MAPK12: variants seen among roughly 807,000 people sequenced by gnomAD.
The protein encoded by MAPK12 is mitogen-activated protein kinase 12.
A neutral mutation model predicts 49.1 loss-of-function variants in MAPK12; 49 were observed. The ratio of observed to expected loss-of-function variants is 1.00; its 90% confidence interval spans 0.79 to 1.27. MAPK12 has a LOEUF of 1.27. Ranked by LOEUF, MAPK12 falls within the 50% of genes most tolerant of loss-of-function variation. The pLI, the probability that MAPK12 is intolerant of heterozygous loss-of-function variation, is 0.00. For missense variants in MAPK12, 554 were observed against 502.4 expected (o/e 1.10, Z -0.98); for synonymous variants, 251 against 209.7 (o/e 1.20, Z -1.70).
chr22:50,257,462 G>C, intron 3 of MAPK12: 1 of 555,654 alleles, frequency 1.8e-6, no homozygotes, highest in South Asian at 2.1e-5. Context: ...GGCTGCCTTG[G>C]GGTTTTTGAA....
intron 3 of MAPK12, 48 bp from the exon 4 acceptor site, chr22:50,257,241 A>G (rs760989016): frequency 6.7e-7 from 1 of 1,491,968 alleles, no homozygotes; most frequent in South Asian, 1.1e-5. Flanking sequence ...CAGCCTCTGC[A>G]TCCCAGAGAC....
chr22:50,257,763 C>T, intron 3 of MAPK12: 1 of 689,942 alleles, frequency 1.4e-6, no homozygotes, highest in Admixed American at 2.1e-5. Context: ...GCTACCCTCT[C>T]CAGGCCTTCC....
chr22:50,258,265 T>TCTCATCAGGAGTGAATA lies in MAPK12; in HGVS notation c.275_291dup (p.Thr98TyrfsTer17). The TCTCATCAGGAGTGAATA allele has an allele frequency of 6.2e-7, 1 of 1,612,972 alleles. No individual in the cohort carries two copies. Among genetic ancestry groups the TCTCATCAGGAGTGAATA allele is most frequent in the Middle Eastern group, 1.6e-4 (1 of 6,062 alleles). ...CACAAGTCCGTGAAGTCATCCAGGGTCTCATCAGGAGTGAATACGTCCAGC... is the reference window on the plus strand; with the variant it reads ...CACAAGTCCGTGAAGTCATCCAGGGTCTCATCAGGAGTGAATACTCATCAGGAGTGAATACGTCCAGC... On this transcript the variant is annotated frameshift_variant, in exon 3 of 12. Transcript: ENST00000215659. LOFTEE classifies it high-confidence loss of function.
rs907482433 is a variant in MAPK12 at position 50,258,914 on chromosome 22, G to C, written c.256-613C>G. On this transcript the variant is annotated intron_variant, in intron 2 of 11. Coordinates refer to ENST00000215659, the MANE Select transcript of MAPK12 (RefSeq NM_002969.6). ...GGACACCTGGCAGAGGGCACACACA[G>C]AGTGGCCGAGGCAGGAGGGAGCACA... Among the ~76,000 whole-genome samples the C allele has an allele frequency of 1.6e-4, 24 of 152,246 alleles. 1 individual carries two copies. The highest frequency in any genetic ancestry group is 1.6e-3 in the Admixed American group (24 of 15,288).
At chr22:50,256,307 G>A in intron 6 of MAPK12, 108 bp from the exon 7 acceptor site, 1 of 854,080 alleles carries the variant, frequency 1.2e-6, no homozygotes, top group Non-Finnish European at 1.8e-6. Context: ...CCCAAGCTGG[G>A]GCCTCCTGAC....
At chr22:50,260,236 TTGCTGGTGGACGGGGCA>T (rs2065197051) in intron 2 of MAPK12, among the ~76,000 whole-genome samples, 1 of 17,140 alleles carries the variant, frequency 5.8e-5, no homozygotes, top group Admixed American at 5.8e-4. Flanking sequence ...ACGGGGCACT[TTGCTGGTGGACGGGGCA>T]CTTTGCTGGT....
Position 50,256,090 on chromosome 22 carries a change from T to C in MAPK12, c.614A>G (p.Gln205Arg), listed in dbSNP as rs766690172. 8 of 1,611,762 alleles carry C rather than the reference T, an allele frequency of 5.0e-6. No individual in the cohort carries two copies. The South Asian group carries it at 6.6e-5, about 13-fold the overall frequency. ...EVILNWMRYT[Q>R]TVDIWSVGCI... Reference sequence around the variant, plus strand: ...ATCTCTGGGCAGCTTCTCACCCGTCTGCGTGTAGCGCATCCAATTCAAGAT... The same window carrying C: ...ATCTCTGGGCAGCTTCTCACCCGTCCGCGTGTAGCGCATCCAATTCAAGAT... Residue 205 changes from glutamine (Q) to arginine (R), a missense_variant, in exon 7 of 12, where the codon CAG (glutamine) becomes CGG (arginine). Coordinates refer to ENST00000215659, the MANE Select transcript of MAPK12 (RefSeq NM_002969.6).
Position 50,261,532 on chromosome 22 carries a change from C to T in MAPK12, c.-23G>A. ...CATGGCAGGCCCGGGAGCTGCCCAC[C>T]CCGCAGAGCCTGCGGGCGGTGCCCC... On this transcript the variant is annotated 5_prime_UTR_variant, in exon 1 of 12. Transcript: ENST00000215659. 2.7e-6 allele frequency: 3 copies of T among 1,108,042 alleles called. No individual in the cohort carries two copies. Among genetic ancestry groups the T allele is most frequent in the Non-Finnish European group, 3.3e-6 (3 of 899,878 alleles). The allele number at this position is 1,108,042 out of a possible 1,614,324, so 68.6% of individuals were successfully genotyped here.
At chr22:50,255,723 G>C in intron 8 of MAPK12, 29 bp from the exon 9 acceptor site, 1 of 1,609,672 alleles carries the variant, frequency 6.2e-7, no homozygotes, top group Non-Finnish European at 8.5e-7. Context: ...CACAGCTCGG[G>C]GGCCAGAGAT....
rs775145151 is a variant in MAPK12 at position 50,261,416 on chromosome 22, G to A, written c.94C>T (p.Pro32Ser). Residue 32 changes from proline to serine, a missense_variant, in exon 1 of 12, where the codon CCC becomes TCC. By Grantham distance (74) the Pro-to-Ser change is moderately conservative. Transcript: ENST00000215659. ...EVRAVYRDLQ[P>S]VGSGAYGAVC... is the part of the protein sequence containing the mutation. The stretch of plus-strand genomic sequence containing the variant: ...GCGCCGTAGGCGCCCGAGCCCACGG[G>A]CTGCAGGTCCCGGTACACGGCGCGC... 3 of 1,243,204 alleles carry A rather than the reference G, an allele frequency of 2.4e-6. No homozygotes were observed. Among genetic ancestry groups the A allele is most frequent in the East Asian group, 5.5e-5 (1 of 18,024 alleles). 77.0% of individuals were successfully genotyped at this position (1,243,204 alleles called of 1,614,324 possible).
Position 50,257,153 on chromosome 22 carries a change from G to A in MAPK12, c.355C>T (p.Leu119Phe), listed in dbSNP as rs2065159239. 6.2e-7 allele frequency: 1 copy of A among 1,612,862 alleles called. No individual in the cohort carries two copies. The highest frequency in any genetic ancestry group is 1.1e-5 in the South Asian group (1 of 91,088). ...MPFMGTDLGK[L>F]MKHEKLGEDR... ...TCGCCTAGCTTCTCATGTTTCATGA[G>A]CTTGCCCAGGTCGGTGCCCATGAAC... Residue 119 changes from leucine (L) to phenylalanine (F), a missense_variant, in exon 4 of 12, where the codon CTC (leucine) becomes TTC (phenylalanine). Leu to Phe is a conservative substitution (Grantham distance 22). Coordinates refer to ENST00000215659, the MANE Select transcript of MAPK12 (RefSeq NM_002969.6).
rs754815553 is a variant in MAPK12 at position 50,255,482 on chromosome 22, G to A, written c.821C>T (p.Ala274Val). 6 of 1,613,178 alleles carry A rather than the reference G, an allele frequency of 3.7e-6. No homozygotes were observed. The South Asian group carries it at 4.4e-5, about 12-fold the overall frequency. Residue 274 changes from alanine to valine, a missense_variant, in exon 10 of 12, where the codon GCC becomes GTC. Ala to Val is a moderately conservative substitution (Grantham distance 64). Transcript: ENST00000215659. ...GLPELEKKDF[A>V]SILTNASPLA... The stretch of plus-strand genomic sequence containing the variant: ...AGGGCTTGCATTGGTCAGGATAGAG[G>A]CAAAATCCTTCTTCTCCAATTCGGG...
chr22:50,259,567 C>A (rs2065187794), intron 2 of MAPK12, among the ~76,000 whole-genome samples: 1 of 152,164 alleles, frequency 6.6e-6, no homozygotes, highest in South Asian at 2.1e-4. Context: ...GATCCCAGCA[C>A]AGCGGGGCGG....
At chr22:50,256,239 C>A in intron 6 of MAPK12, 40 bp from the exon 7 acceptor site, 2 of 1,515,050 alleles carry the variant, frequency 1.3e-6, no homozygotes, top group South Asian at 1.1e-5. Flanking sequence ...AGGGGACTCC[C>A]AAGGAGCGGA....
rs1271866387 is a variant in MAPK12 at position 50,256,974 on chromosome 22, G to A, written c.427-10C>T. ...CGGCAGCGTGGATATACTGCGGGGGGCAGAGGATTTGGCAGGCTTCAGCGC... is the reference window on the plus strand; with the variant it reads ...CGGCAGCGTGGATATACTGCGGGGGACAGAGGATTTGGCAGGCTTCAGCGC... On this transcript the variant is annotated splice_polypyrimidine_tract_variant and intron_variant, in intron 4 of 11. Coordinates refer to ENST00000215659, the MANE Select transcript of MAPK12 (RefSeq NM_002969.6). The A allele has an allele frequency of 5.6e-6, 9 of 1,606,352 alleles. No homozygotes were observed. Among genetic ancestry groups the A allele is most frequent in the East Asian group, 2.2e-5 (1 of 44,758 alleles).
At chr22:50,253,659 T>G in intron 11 of MAPK12, 179 bp from the exon 12 acceptor site, 1 of 598,328 alleles carries the variant, frequency 1.7e-6, no homozygotes. Context: ...ATCTGGATTT[T>G]CCAGGGAAAG....
At chr22:50,258,986 C>T (rs532052945) in intron 2 of MAPK12, among the ~76,000 whole-genome samples, 1 of 152,248 alleles carries the variant, frequency 6.6e-6, no homozygotes, top group South Asian at 2.1e-4. Flanking sequence ...GTGGCGGAGG[C>T]CCAGGCCAGG....
rs1394725031 is a variant in MAPK12 at position 50,256,144 on chromosome 22, A to G, written c.560T>C (p.Val187Ala). 1.9e-6 allele frequency: 3 copies of G among 1,612,676 alleles called. No individual in the cohort carries two copies. The Admixed American group carries it at 5.0e-5, about 27-fold the overall frequency. Residue 187 changes from valine to alanine, a missense_variant, in exon 7 of 12, where the codon GTG (valine) becomes GCG (alanine). Coordinates refer to ENST00000215659, the MANE Select transcript of MAPK12 (RefSeq NM_002969.6). ...CTCGGGAGCCCGGTACCACCGGGTC[A>G]CCACGTACCCAGTCATCTCACTGTC... is the stretch of plus-strand genomic sequence containing the variant. ...QADSEMTGYVVTRWYRAPEVI... is the reference protein window; with the variant it reads ...QADSEMTGYVATRWYRAPEVI...
At chr22:50,257,801 C>G in intron 3 of MAPK12, 1 of 713,294 alleles carries the variant, frequency 1.4e-6, no homozygotes, top group Admixed American at 2.0e-5. Flanking sequence ...TCTTGGCCGA[C>G]AGGGTGTGAG....
Sources: allele counts gnomAD v4.1 joint callset (sites outside exome capture counted in the v4.1 genomes callset), GRCh38; gene constraint gnomAD v4.1.1; transcripts MANE v1.5; gene names NCBI Gene and HGNC (gene_info 2026-07-23, HGNC 2026-07-21).